TUBB6: variants seen among roughly 807,000 people sequenced by gnomAD.
TUBB6 encodes tubulin beta-6 chain.
TUBB6 carries 18 observed loss-of-function variants against 32.3 expected under a neutral mutation model. The ratio of observed to expected loss-of-function variants is 0.56; its 90% CI spans 0.39 to 0.83. The LOEUF (loss-of-function observed/expected upper bound fraction) is 0.83. Ranked by LOEUF, TUBB6 falls within the 40% of genes least tolerant of loss-of-function variation. The pLI is 0.00. For missense variants in TUBB6, 480 were observed against 632.0 expected, an observed-to-expected ratio of 0.76 and a Z score of 2.58; for synonymous variants, 280 against 265.8, an observed-to-expected ratio of 1.05 and a Z score of -0.52.
intron 2 of TUBB6, among the ~76,000 whole-genome samples, chr18:12,310,530 C>G (rs975875657): frequency 6.6e-6 from 1 of 150,456 alleles, no homozygotes; most frequent in African/African-American, 2.4e-5. Flanking sequence ...CTCTGGAGTA[C>G]AGTGGCATAA....
Position 12,325,326 on chromosome 18 carries a change from G to T in TUBB6, c.537G>T (p.Val179=), listed in dbSNP as rs539308138. ...VMPSPKVSDT[V]VEPYNATLSV... ...CCTCGCCCAAGGTGTCGGACACGGT[G>T]GTGGAGCCCTACAATGCCACACTGT... is the stretch of plus-strand genomic sequence containing the variant. The change falls in exon 4 of 4, where the codon GTG becomes GTT. Residue 179 remains valine (V), a synonymous_variant. Coordinates refer to ENST00000317702, the MANE Select transcript of TUBB6 (RefSeq NM_032525.3). The T allele has an allele frequency of 6.2e-7, 1 of 1,614,232 alleles. No individual in the cohort carries two copies. The highest frequency in any genetic ancestry group is 1.3e-5 in the African/African-American group (1 of 75,060).
Position 12,308,736 on chromosome 18 carries a change from A to G in TUBB6, c.107A>G (p.Tyr36Cys), listed in dbSNP as rs1906163784. The change falls in exon 2 of 4, where the codon TAC (tyrosine) becomes TGC (cysteine). Residue 36 changes from tyrosine to cysteine, a missense_variant. Physicochemically the swap from Tyr to Cys is radical, Grantham distance 194. Coordinates refer to ENST00000317702, the MANE Select transcript of TUBB6 (RefSeq NM_032525.3). ...DEHGIDPAGGYVGDSALQLER... is the reference protein window; with the variant it reads ...DEHGIDPAGGCVGDSALQLER... The stretch of plus-strand genomic sequence containing the variant: ...CACGGCATCGACCCGGCCGGAGGCT[A>G]CGTGGGAGACTCGGCGCTGCAGCTG... The G allele has an allele frequency of 6.2e-7, 1 of 1,613,200 alleles. No individual in the cohort carries two copies. Among genetic ancestry groups the G allele is most frequent in the Non-Finnish European group, 8.5e-7 (1 of 1,179,502 alleles).
chr18:12,327,180 C>T (rs114497229), downstream of TUBB6, among the ~76,000 whole-genome samples: 1,008 of 152,300 alleles, frequency 6.6e-3, 14 homozygotes, highest in African/African-American at 0.022. Context: ...GTGTCACCCC[C>T]GAGTGGAAGC....
intron 3 of TUBB6, among the ~76,000 whole-genome samples, chr18:12,319,377 TC>T (rs1906856541): frequency 6.6e-6 from 1 of 152,010 alleles, no homozygotes; most frequent in Non-Finnish European, 1.5e-5. Flanking sequence ...ACTCCTGACC[TC>T]AGGTGATCCT....
chr18:12,317,467 C>CA (rs1360157061), intron 3 of TUBB6, among the ~76,000 whole-genome samples: 1 of 78,212 alleles, frequency 1.3e-5, no homozygotes. Context: ...GACCCTGTCT[C>CA]AAAAAAAAGA....
rs1430241533 is a variant in TUBB6, at chr18:12,325,743, CG to C, written c.957del (p.Met321CysfsTer3). On this transcript the variant is annotated frameshift_variant, in exon 4 of 4. Transcript: ENST00000317702. LOFTEE classifies it high-confidence loss of function. ...RYLTVATVFR[G>X]PMSMKEVDEQ... Reference sequence around the variant, plus strand: ...ACCTGACCGTGGCCACCGTGTTCCGCGGGCCCATGTCCATGAAGGAGGTGGA... The same window carrying C: ...ACCTGACCGTGGCCACCGTGTTCCGCGGCCCATGTCCATGAAGGAGGTGGA... 8 of 1,614,108 alleles carry C rather than the reference CG, an allele frequency of 5.0e-6. No individual in the cohort carries two copies. The highest frequency in any genetic ancestry group is 6.8e-6 in the Non-Finnish European group (8 of 1,180,048).
chr18:12,324,923 GT>G, intron 3 of TUBB6, 143 bp from the exon 4 acceptor site: 1 of 1,488,504 alleles, frequency 6.7e-7, no homozygotes, highest in Non-Finnish European at 8.9e-7. Context: ...CAGCTGCACC[GT>G]TGGTGGGTGC....
chr18:12,323,651 A>G (rs1340636083), intron 3 of TUBB6, among the ~76,000 whole-genome samples: 2 of 151,974 alleles, frequency 1.3e-5, no homozygotes, highest in South Asian at 2.1e-4. Context: ...ACTAAAAAAT[A>G]CAAAAAATTA....
chr18:12,313,232 C>G (rs1232252315), intron 3 of TUBB6, among the ~76,000 whole-genome samples: 2 of 152,012 alleles, frequency 1.3e-5, no homozygotes, highest in African/African-American at 4.8e-5. Flanking sequence ...AAGGCTTTAG[C>G]CAGTGCACAA....
chr18:12,325,069 C>A lies in TUBB6; in HGVS notation c.280C>A (p.Gln94Lys). The change falls in exon 4 of 4, where the codon CAG becomes AAG. Residue 94 changes from glutamine to lysine, a missense_variant and splice_region_variant. Coordinates refer to ENST00000317702, the MANE Select transcript of TUBB6 (RefSeq NM_032525.3). The part of the protein sequence containing the change: ...LFRPDNFIFG[Q>K]TGAGNNWAKG... ...GCACGGGACTCTCTTTGTTGCAGGC[C>A]AGACGGGTGCAGGGAACAACTGGGC... 6.4e-7 allele frequency: 1 copy of A among 1,567,230 alleles called. No individual in the cohort carries two copies. Among genetic ancestry groups the A allele is most frequent in the Non-Finnish European group, 8.7e-7 (1 of 1,153,466 alleles).
chr18:12,315,923 C>T (rs1183477147), intron 3 of TUBB6, among the ~76,000 whole-genome samples: 1 of 152,178 alleles, frequency 6.6e-6, no homozygotes, highest in East Asian at 1.9e-4. Flanking sequence ...TTTTCATATG[C>T]TTTTGCATGC....
intron 3 of TUBB6, among the ~76,000 whole-genome samples, chr18:12,321,242 TTTAACA>T (rs1906972274): frequency 6.6e-6 from 1 of 152,336 alleles, no homozygotes; most frequent in South Asian, 2.1e-4. Flanking sequence ...GTACATACAT[TTTAACA>T]TTAAGTTCAG....
At chr18:12,323,827 T>C (rs1907115678) in intron 3 of TUBB6, among the ~76,000 whole-genome samples, 1 of 151,834 alleles carries the variant, frequency 6.6e-6, no homozygotes, top group Admixed American at 6.6e-5. Context: ...AAAGCACCAT[T>C]ATGCAGAAAA....
chr18:12,310,023 T>A (rs1906274452), intron 2 of TUBB6, among the ~76,000 whole-genome samples: 1 of 151,614 alleles, frequency 6.6e-6, no homozygotes, highest in Admixed American at 6.6e-5. Context: ...TTGTAAAACT[T>A]CCTAACAGGA....
chr18:12,315,600 T>C (rs1293365776), intron 3 of TUBB6, among the ~76,000 whole-genome samples: 2 of 152,348 alleles, frequency 1.3e-5, no homozygotes, highest in Admixed American at 6.5e-5. Context: ...CCTTCTATTC[T>C]ACACTGACGT....
At chr18:12,313,363 C>G (rs569988344) in intron 3 of TUBB6, among the ~76,000 whole-genome samples, 63 of 152,300 alleles carry the variant, frequency 4.1e-4, no homozygotes, top group African/African-American at 1.5e-3. Flanking sequence ...CTAGCACTTA[C>G]AAGACTTCAG....
intron 3 of TUBB6, among the ~76,000 whole-genome samples, chr18:12,317,236 T>C (rs1906724575): frequency 6.6e-6 from 1 of 151,812 alleles, no homozygotes; most frequent in Non-Finnish European, 1.5e-5. Context: ...CTGAGGCAAG[T>C]AGATCACTTG....
Position 12,325,150 on chromosome 18 carries a change from C to T in TUBB6, c.361C>T (p.Arg121Trp). ...ELVDAVLDVVRKECEHCDCLQ... is the reference protein window; with the variant it reads ...ELVDAVLDVVWKECEHCDCLQ... Reference sequence around the variant, plus strand: ...GGTGGACGCAGTGCTGGACGTGGTGCGGAAGGAGTGCGAGCACTGCGACTG... The same window carrying T: ...GGTGGACGCAGTGCTGGACGTGGTGTGGAAGGAGTGCGAGCACTGCGACTG... Residue 121 changes from arginine (R) to tryptophan (W), a missense_variant, in exon 4 of 4, where the codon CGG becomes TGG. Coordinates refer to ENST00000317702, the MANE Select transcript of TUBB6 (RefSeq NM_032525.3). The T allele has an allele frequency of 6.2e-7, 1 of 1,612,890 alleles. No homozygotes were observed. The highest frequency in any genetic ancestry group is 2.2e-5 in the East Asian group (1 of 44,856).
intron 2 of TUBB6, among the ~76,000 whole-genome samples, chr18:12,309,172 AG>A (rs1025772078): frequency 1.6e-4 from 24 of 151,518 alleles, no homozygotes; most frequent in Non-Finnish European, 2.5e-4. Context: ...GCAGCATAGG[AG>A]ACCACCCCCC....
Sources: allele counts gnomAD v4.1 joint callset (sites outside exome capture counted in the v4.1 genomes callset), GRCh38; gene constraint gnomAD v4.1.1; transcripts MANE v1.5; gene names NCBI Gene and HGNC (gene_info 2026-07-23, HGNC 2026-07-21).